Variants in DNAH12 observed in about 807,000 individuals in gnomAD.
The protein encoded by DNAH12 is dynein axonemal heavy chain 12.
In DNAH12, 285 loss-of-function variants were observed where a neutral mutation model predicts 371.5. The ratio of observed to expected loss-of-function variants is 0.77; its 90% CI spans 0.70 to 0.85. The LOEUF (loss-of-function observed/expected upper bound fraction) is 0.85, where lower values mean the gene tolerates loss of function less well. DNAH12 is among the 40% of genes least tolerant of loss of function. The probability of loss-of-function intolerance (pLI) is 0.00; values close to 1 mark genes in which losing one functional copy is unlikely to be tolerated. For missense variants in DNAH12, 3,611 were observed against 3,689.4 expected (o/e 0.98, Z 0.55); for synonymous variants, 1,200 against 1,213.0 (o/e 0.99, Z 0.22).
intron 17 of DNAH12, among the ~76,000 whole-genome samples, chr3:57,468,449 C>T (rs1443490804): frequency 6.6e-6 from 1 of 151,960 alleles, no homozygotes; most frequent in Non-Finnish European, 1.5e-5. Flanking sequence ...ACAGCAAAAC[C>T]CCATCTCTTC....
At chr3:57,385,598 A>G (rs2063484296) in intron 47 of DNAH12, among the ~76,000 whole-genome samples, 169 bp from the exon 48 acceptor site, 1 of 152,252 alleles carries the variant, frequency 6.6e-6, no homozygotes, top group Non-Finnish European at 1.5e-5. Flanking sequence ...AGTGTGGGCC[A>G]GGGCCAAGCA....
chr3:57,306,960 C>T (rs891817852), intron 69 of DNAH12, among the ~76,000 whole-genome samples: 3 of 152,162 alleles, frequency 2.0e-5, no homozygotes, highest in African/African-American at 7.2e-5. Context: ...ATTCTTTGCA[C>T]CCTTCATCCC....
chr3:57,516,309 G>A (rs768064744), intron 4 of DNAH12, among the ~76,000 whole-genome samples: 2 of 151,816 alleles, frequency 1.3e-5, no homozygotes, highest in African/African-American at 2.4e-5. Context: ...TGATCCATCC[G>A]ACTCGGCCTC....
intron 70 of DNAH12, among the ~76,000 whole-genome samples, chr3:57,299,612 T>G (rs2061304893): frequency 6.6e-6 from 1 of 152,112 alleles, no homozygotes; most frequent in Admixed American, 6.5e-5. Context: ...TGATGGTATT[T>G]GGAGATGGAG....
At position 57,542,893 on chromosome 3, in the gene DNAH12, T is replaced by C. The variant is rs764895504; in HGVS notation, c.-23A>G. 6.5e-7 allele frequency: 1 copy of C among 1,534,766 alleles called. No individual in the cohort carries two copies. The highest frequency in any genetic ancestry group is 8.7e-7 in the Non-Finnish European group (1 of 1,145,024). ...CATCTTGATCCCCTAAAGATTAAAA[T>C]ACTCTGTACTCTGAGGAGAAAAAGT... is the stretch of plus-strand genomic sequence containing the variant. On this transcript the variant is annotated 5_prime_UTR_variant, in exon 2 of 74. Coordinates refer to ENST00000495027, the MANE Select transcript of DNAH12 (RefSeq NM_001366028.2).
At chr3:57,395,058 A>C (rs1328563392) in intron 43 of DNAH12, among the ~76,000 whole-genome samples, 9 of 152,222 alleles carry the variant, frequency 5.9e-5, no homozygotes, top group Non-Finnish European at 1.0e-4. Flanking sequence ...TTATATTTAA[A>C]AGGGAGGTAA....
intron 42 of DNAH12, among the ~76,000 whole-genome samples, chr3:57,404,719 C>CA (rs1159463206): frequency 5.3e-5 from 8 of 150,914 alleles, no homozygotes; most frequent in South Asian, 4.2e-4. Flanking sequence ...GACTCAGTCT[C>CA]AAAAAAAAGA....
chr3:57,415,519 A>C lies in DNAH12; in HGVS notation c.5760T>G (p.Tyr1920Ter). ...VGPTGTGKSVYVKDKLMNHLE... is the reference protein window; with the variant it reads ...VGPTGTGKSV ...AGTGATTCATTAGCTTATCCTTCAC[A>C]TACACAGATTTTCCTGTACCCGTTG... The change falls in exon 38 of 74, where the codon TAT (tyrosine) becomes TAG (stop). Residue 1920 changes from tyrosine to a stop codon, truncating the protein, a stop_gained. Transcript: ENST00000495027. LOFTEE classifies it high-confidence loss of function. 1 of 1,550,738 alleles carries C rather than the reference A, an allele frequency of 6.4e-7. No homozygotes were observed. Among genetic ancestry groups the C allele is most frequent in the Non-Finnish European group, 8.7e-7 (1 of 1,146,828 alleles).
At chr3:57,417,123 G>C (rs9860218) in intron 37 of DNAH12, among the ~76,000 whole-genome samples, 45,309 of 151,916 alleles carry the variant, frequency 0.3, 10,020 homozygotes, top group African/African-American at 0.62. Flanking sequence ...GGTGGCAAAT[G>C]CCTGTAATCC....
At chr3:57,338,170 G>T (rs542970458) in intron 60 of DNAH12, among the ~76,000 whole-genome samples, 1 of 152,282 alleles carries the variant, frequency 6.6e-6, no homozygotes, top group South Asian at 2.1e-4. Context: ...GCGACGCCAT[G>T]CCTGACTGGT....
chr3:57,433,603 C>T, intron 31 of DNAH12, 42 bp downstream of exon 31: 3 of 1,535,420 alleles, frequency 2.0e-6, no homozygotes, highest in Non-Finnish European at 2.6e-6. Flanking sequence ...TTTTAACAGG[C>T]ACTTTCCATA....
At chr3:57,365,890 T>C (rs2063042120) in intron 57 of DNAH12, among the ~76,000 whole-genome samples, 1 of 151,916 alleles carries the variant, frequency 6.6e-6, no homozygotes, top group Non-Finnish European at 1.5e-5. Flanking sequence ...AATGTATTTC[T>C]ATTTACGGTC....
chr3:57,319,369 T>C (rs2061754906), intron 65 of DNAH12, among the ~76,000 whole-genome samples: 1 of 152,204 alleles, frequency 6.6e-6, no homozygotes, highest in Non-Finnish European at 1.5e-5. Flanking sequence ...CTGTTTCTTT[T>C]TCTTGCCTAA....
chr3:57,479,368 T>C (rs1024182251), intron 13 of DNAH12, among the ~76,000 whole-genome samples: 1 of 152,096 alleles, frequency 6.6e-6, no homozygotes, highest in Non-Finnish European at 1.5e-5. Context: ...CAAGAAGAGC[T>C]AACTATCCTA....
At chr3:57,298,895 T>G (rs959252099) in intron 70 of DNAH12, among the ~76,000 whole-genome samples, 1 of 152,244 alleles carries the variant, frequency 6.6e-6, no homozygotes, top group East Asian at 1.9e-4. Context: ...GATTATCTTT[T>G]TATCACAGGA....
At chr3:57,445,816 G>A (rs1391913684) in intron 27 of DNAH12, among the ~76,000 whole-genome samples, 2 of 151,784 alleles carry the variant, frequency 1.3e-5, no homozygotes, top group African/African-American at 4.8e-5. Context: ...GTAAAACCCC[G>A]TCTTTACTAA....
At chr3:57,448,550 G>A (rs547895963) in intron 25 of DNAH12, among the ~76,000 whole-genome samples, 12 of 152,300 alleles carry the variant, frequency 7.9e-5, no homozygotes, top group African/African-American at 2.6e-4. Flanking sequence ...AGAGTGAGCA[G>A]TAGCAAGATT....
chr3:57,422,527 G>A (rs7623759), intron 35 of DNAH12, among the ~76,000 whole-genome samples: 3,391 of 152,246 alleles, frequency 0.022, 99 homozygotes, highest in African/African-American at 0.077. Flanking sequence ...TACTGGCTGG[G>A]TACAGTGGTT....
chr3:57,329,587 T>C (rs1490573271), intron 62 of DNAH12, among the ~76,000 whole-genome samples: 1 of 145,744 alleles, frequency 6.9e-6, no homozygotes, highest in Non-Finnish European at 1.5e-5. Flanking sequence ...ACTTAAACGT[T>C]AGACCTAAAA....
Sources: gnomAD v4.1 joint callset for allele counts (sites outside exome capture counted in the v4.1 genomes callset) on GRCh38, gnomAD v4.1.1 for gene constraint, MANE v1.5 for transcripts, NCBI Gene and HGNC (gene_info 2026-07-23, HGNC 2026-07-21) for gene names.